The following RNF17 variants were observed in gnomAD, a reference collection of about 807,000 sequenced individuals.
RNF17 encodes ring finger protein 17.
In RNF17, 31 loss-of-function variants were observed where a neutral mutation model predicts 200.5. The ratio of observed to expected loss-of-function variants is 0.15; its 90% CI spans 0.12 to 0.21. The LOEUF (loss-of-function observed/expected upper bound fraction) is 0.21. Among genes scored for constraint, RNF17 ranks in the 10% least tolerant of loss-of-function variants. The pLI is 1.00. For synonymous variants in RNF17, 606 were observed against 637.8 expected (o/e 0.95, Z 0.75); for missense variants, 1,628 against 1,905.1 (o/e 0.85, Z 2.71).
chr13:24,815,779 AG>A (rs1256033362), intron 15 of RNF17, among the ~76,000 whole-genome samples: 1 of 152,194 alleles, frequency 6.6e-6, no homozygotes, highest in African/African-American at 2.4e-5. Flanking sequence ...TTGTCAAGAA[AG>A]GGTGTTCAAT....
chr13:24,794,672 C>T (rs1024128748), intron 10 of RNF17, among the ~76,000 whole-genome samples: 1 of 143,700 alleles, frequency 7.0e-6, no homozygotes, highest in Non-Finnish European at 1.6e-5. Flanking sequence ...GACCTCATCT[C>T]AAATAAATGA....
At position 24,825,667 on chromosome 13, in the gene RNF17, T is replaced by C; in HGVS notation, c.2140T>C (p.Tyr714His). 6.2e-7 allele frequency: 1 copy of C among 1,608,092 alleles called. No individual in the cohort carries two copies. Among genetic ancestry groups the C allele is most frequent in the South Asian group, 1.1e-5 (1 of 90,940 alleles). Residue 714 changes from tyrosine to histidine, a missense_variant, in exon 16 of 36, where the codon TAT (tyrosine) becomes CAT (histidine). Tyr to His is a moderately conservative substitution (Grantham distance 83). Transcript: ENST00000255324. ...TCTATTAAAGACAATCGAGGAATTC[T>C]ATAAAAGTGAAGATGGAGAAAATCT... ...LFLLKTIEEF[Y>H]KSEDGENLEI...
At chr13:24,800,237 T>C (rs1885081463) in intron 12 of RNF17, 129 bp from the exon 13 acceptor site, 1 of 591,422 alleles carries the variant, frequency 1.7e-6, no homozygotes. Context: ...AAGTATTAAT[T>C]TGGACTATAA....
chr13:24,757,040 C>T, the RNF17 span, among the ~76,000 whole-genome samples: 1 of 152,168 alleles, frequency 6.6e-6, no homozygotes, highest in East Asian at 1.9e-4. Flanking sequence ...ATGAATTAGC[C>T]ACCAAGACAG....
intron 2 of RNF17, among the ~76,000 whole-genome samples, chr13:24,772,853 G>A (rs1026164714): frequency 7.2e-5 from 11 of 151,744 alleles, no homozygotes; most frequent in Non-Finnish European, 1.3e-4. Context: ...CTCATGATCC[G>A]CCCGCCTCAG....
At chr13:24,810,815 G>A in intron 15 of RNF17, among the ~76,000 whole-genome samples, 2 of 146,918 alleles carry the variant, frequency 1.4e-5, no homozygotes, top group Admixed American at 6.7e-5. Flanking sequence ...CTTCCTTCAG[G>A]AGCTCTTTTA....
intron 6 of RNF17, among the ~76,000 whole-genome samples, chr13:24,787,199 T>C (rs1248121115): frequency 6.6e-6 from 1 of 152,194 alleles, no homozygotes; most frequent in African/African-American, 2.4e-5. Context: ...TATGTTGATA[T>C]TATCATTTTG....
rs549869824 is a variant in RNF17 at position 24,782,607 on chromosome 13, G to GT, written c.611+663_611+664insT. Among the ~76,000 whole-genome samples the GT allele has an allele frequency of 6.6e-4, 65 of 99,086 alleles. 1 individual carries two copies. The highest frequency in any genetic ancestry group is 2.5e-3 in the Admixed American group (26 of 10,396). The allele number at this position is 99,086 out of a possible 152,430, so 65.0% of individuals were successfully genotyped here. A position where few individuals can be genotyped will look rare whatever the true frequency, so the allele number is the denominator to read the frequency against. On this transcript the variant is annotated intron_variant, in intron 6 of 35. Transcript: ENST00000255324. ...AAGCTCACTTTGGGAGGCTGAGATGGGGGGGGGATCTTTGAGCTCAGGAGT... is the reference window on the plus strand; with the variant it reads ...AAGCTCACTTTGGGAGGCTGAGATGGTGGGGGGGATCTTTGAGCTCAGGAGT...
At chr13:24,880,387 A>C (rs983849560), downstream of RNF17, among the ~76,000 whole-genome samples, 1 of 152,174 alleles carries the variant, frequency 6.6e-6, no homozygotes, top group Non-Finnish European at 1.5e-5. Flanking sequence ...TTACAATTCG[A>C]GATTTTGGGT....
downstream of RNF17, among the ~76,000 whole-genome samples, chr13:24,882,075 T>G (rs868576011): frequency 2.4e-4 from 8 of 33,830 alleles, no homozygotes; most frequent in Non-Finnish European, 3.7e-4. Context: ...TATATAGATA[T>G]ATAGATACAT....
chr13:24,862,328 C>G (rs1433740430), intron 27 of RNF17, among the ~76,000 whole-genome samples: 1 of 152,148 alleles, frequency 6.6e-6, no homozygotes, highest in Non-Finnish European at 1.5e-5. Context: ...ATGTGAACCT[C>G]TCAACGCATA....
In RNF17 at chr13:24,764,229, G is replaced by T. The variant is rs375993919; in HGVS notation, c.26G>T (p.Gly9Val). The change falls in exon 1 of 36, where the codon GGG becomes GTG. Residue 9 changes from glycine to valine, a missense_variant. Gly to Val is a moderately radical substitution (Grantham distance 109). Coordinates refer to ENST00000255324, the MANE Select transcript of RNF17 (RefSeq NM_031277.3). ...ATGGCGGCAGAGGCTTCGAAGACTGGGCCTTCTAGGTCTTCCTACCAGCGA... is the reference window on the plus strand; with the variant it reads ...ATGGCGGCAGAGGCTTCGAAGACTGTGCCTTCTAGGTCTTCCTACCAGCGA... MAAEASKT[G>V]PSRSSYQRMG... 6.2e-7 allele frequency: 1 copy of T among 1,604,114 alleles called. No individual in the cohort carries two copies. The highest frequency in any genetic ancestry group is 1.3e-5 in the African/African-American group (1 of 74,824).
intron 15 of RNF17, among the ~76,000 whole-genome samples, chr13:24,814,061 T>C (rs1887096581): frequency 6.6e-6 from 1 of 152,164 alleles, no homozygotes; most frequent in East Asian, 1.9e-4. Context: ...ATTTTGTATA[T>C]GTATTCAATA....
downstream of RNF17, chr13:24,883,832 C>T: frequency 1.1e-6 from 1 of 946,978 alleles, no homozygotes; most frequent in Non-Finnish European, 1.7e-6. Context: ...GCCTGTGGGA[C>T]ATTCATTCAA....
chr13:24,861,905 G>A (rs1893137294), intron 27 of RNF17, among the ~76,000 whole-genome samples: 1 of 152,132 alleles, frequency 6.6e-6, no homozygotes, highest in Non-Finnish European at 1.5e-5. Flanking sequence ...AAGAAAAGAG[G>A]GTTAATTGAC....
At chr13:24,860,368 C>T (rs892089381) in intron 26 of RNF17, among the ~76,000 whole-genome samples, 2 of 151,784 alleles carry the variant, frequency 1.3e-5, no homozygotes, top group African/African-American at 4.8e-5. Flanking sequence ...TAATCATCAC[C>T]TTTTATTTTT....
chr13:24,874,317 A>T (rs1029194805), intron 33 of RNF17, 68 bp downstream of exon 33: 10 of 1,359,936 alleles, frequency 7.4e-6, no homozygotes, highest in Non-Finnish European at 9.9e-6. Flanking sequence ...TATTGAGAAT[A>T]TTTTTGCCTC....
downstream of RNF17, among the ~76,000 whole-genome samples, chr13:24,882,097 GATACATCTAT>G (rs1953869716): frequency 2.6e-4 from 5 of 19,040 alleles, no homozygotes; most frequent in South Asian, 2.1e-3. Context: ...TATATATATA[GATACATCTAT>G]ATAGATATAT....
At position 24,767,481 on chromosome 13, in the gene RNF17, G is replaced by A. The variant is rs1283171841; in HGVS notation, c.225+115G>A. The A allele has an allele frequency of 4.5e-6, 3 of 670,662 alleles. No homozygotes were observed. In the East Asian group the frequency reaches 8.3e-5, roughly 19 times the overall value. The allele number at this position is 670,662 out of a possible 1,614,324, so 41.5% of individuals were successfully genotyped here. On this transcript the variant is annotated intron_variant, in intron 2 of 35. Transcript: ENST00000255324. Reference sequence around the variant, plus strand: ...AACTAAAAAGTTGGCCGGGCGTGGTGGCTGACGCCTGTAATCCCAGCACTT... The same window carrying A: ...AACTAAAAAGTTGGCCGGGCGTGGTAGCTGACGCCTGTAATCCCAGCACTT...
Sources: allele counts gnomAD v4.1 joint callset (sites outside exome capture counted in the v4.1 genomes callset), GRCh38; gene constraint gnomAD v4.1.1; transcripts MANE v1.5; gene names NCBI Gene and HGNC (gene_info 2026-07-23, HGNC 2026-07-21).